Variants in PSMC6 observed in about 807,000 individuals in gnomAD.
PSMC6 encodes 26S proteasome regulatory subunit 10B.
In PSMC6, 3 loss-of-function variants were observed where a neutral mutation model predicts 55.9. The ratio of observed to expected loss-of-function variants is 0.05; its 90% CI spans 0.02 to 0.14. The LOEUF is 0.14. Ranked by LOEUF, PSMC6 falls within the 10% of genes least tolerant of loss-of-function variation. The probability of loss-of-function intolerance (pLI) is 1.00; values close to 1 mark genes in which losing one functional copy is unlikely to be tolerated. For missense variants in PSMC6, 210 were observed against 478.7 expected, an observed-to-expected ratio of 0.44 and a Z score of 5.24; for synonymous variants, 137 against 155.9, an observed-to-expected ratio of 0.88 and a Z score of 0.90.
chr14:52,714,128 C>T, intron 7 of PSMC6, 160 bp downstream of exon 7: 1 of 455,630 alleles, frequency 2.2e-6, no homozygotes, highest in East Asian at 3.6e-5. Context: ...GCAACCTCTG[C>T]CTTCCGGGCT....
chr14:52,719,908 T>C (rs1209850311), intron 10 of PSMC6, among the ~76,000 whole-genome samples: 1 of 152,170 alleles, frequency 6.6e-6, no homozygotes, highest in Non-Finnish European at 1.5e-5. Context: ...TGTCTTTTAG[T>C]ATTTCTGTGT....
chr14:52,708,064 A>G (rs916162367), intron 1 of PSMC6, among the ~76,000 whole-genome samples: 3 of 152,226 alleles, frequency 2.0e-5, no homozygotes, highest in Non-Finnish European at 4.4e-5. Context: ...CTATAACTTA[A>G]GATGTGCTTA....
At chr14:52,712,713 C>T (rs900498805) in intron 6 of PSMC6, among the ~76,000 whole-genome samples, 2 of 151,982 alleles carry the variant, frequency 1.3e-5, no homozygotes, top group Admixed American at 6.6e-5. Flanking sequence ...ACCTCTACCT[C>T]CCAGGCTGAA....
chr14:52,717,988 A>G, intron 7 of PSMC6, 93 bp from the exon 8 acceptor site: 3 of 1,185,590 alleles, frequency 2.5e-6, no homozygotes, highest in Non-Finnish European at 1.2e-6. Context: ...TGATCTCGCC[A>G]CACTCCAGCC....
intron 6 of PSMC6, among the ~76,000 whole-genome samples, chr14:52,713,496 G>T (rs1205954299): frequency 1.3e-5 from 2 of 151,952 alleles, no homozygotes; most frequent in Non-Finnish European, 2.9e-5. Context: ...TTTGAGTTGT[G>T]TTTTTTGTTT....
intron 7 of PSMC6, among the ~76,000 whole-genome samples, chr14:52,714,672 G>A (rs543131905): frequency 6.6e-6 from 1 of 151,810 alleles, no homozygotes; most frequent in Admixed American, 6.6e-5. Flanking sequence ...GAGCAGCCTG[G>A]CCAACCAACA....
chr14:52,719,081 T>C (rs2041861583), intron 10 of PSMC6, 43 bp downstream of exon 10: 1 of 1,472,270 alleles, frequency 6.8e-7, no homozygotes, highest in Admixed American at 1.7e-5. Context: ...CCAATGTTTA[T>C]TAAATGAAGA....
At chr14:52,715,251 A>G (rs2041818597) in intron 7 of PSMC6, among the ~76,000 whole-genome samples, 1 of 152,240 alleles carries the variant, frequency 6.6e-6, no homozygotes, top group Non-Finnish European at 1.5e-5. Flanking sequence ...AGGGAAAATA[A>G]ATATAAAGTA....
In PSMC6 at chr14:52,707,400, T is replaced by C. The variant is rs564263066; in HGVS notation, c.85+96T>C. ...TTCGCCGAGCCCGGCAACCGAGCCT[T>C]AGAGATGACCAGGCCTAGGGCCAGG... is the stretch of plus-strand genomic sequence containing the variant. On this transcript the variant is annotated intron_variant, in intron 1 of 13. Coordinates refer to ENST00000445930, the MANE Select transcript of PSMC6 (RefSeq NM_002806.5). The C allele has an allele frequency of 8.5e-6, 13 of 1,524,472 alleles. No homozygotes were observed. In the East Asian group the frequency reaches 2.6e-4, roughly 30 times the overall value. The allele number at this position is 1,524,472 out of a possible 1,614,324, so 94.4% of individuals were successfully genotyped here.
chr14:52,707,633 A>G (rs2041717982), intron 1 of PSMC6: 1 of 264,110 alleles, frequency 3.8e-6, no homozygotes, highest in African/African-American at 2.3e-5. Flanking sequence ...CGGGACTTGG[A>G]GAGGGGAAGG....
At chr14:52,727,058 G>A (rs913993339) in intron 13 of PSMC6, among the ~76,000 whole-genome samples, 27 of 115,628 alleles carry the variant, frequency 2.3e-4, no homozygotes, top group African/African-American at 8.9e-4. Flanking sequence ...GTCTCGCTCT[G>A]TTGCCAGGCT....
intron 13 of PSMC6, among the ~76,000 whole-genome samples, chr14:52,725,947 T>A (rs1342606050): frequency 2.0e-5 from 3 of 152,266 alleles, no homozygotes; most frequent in Admixed American, 1.3e-4. Context: ...TGTTATTTTT[T>A]AAAAATCAGT....
chr14:52,712,409 G>A (rs2041783601), intron 6 of PSMC6, among the ~76,000 whole-genome samples: 1 of 137,350 alleles, frequency 7.3e-6, no homozygotes, highest in Admixed American at 7.4e-5. Flanking sequence ...GTTCTCACCT[G>A]TATTAATGAA....
In PSMC6 at chr14:52,713,981, T is replaced by C; in HGVS notation, c.529+13T>C. On this transcript the variant is annotated intron_variant, in intron 7 of 13. Transcript: ENST00000445930. The stretch of plus-strand genomic sequence containing the variant: ...TATGGACCACCAGGTTGGTATTGAA[T>C]TATTTCTACTCCACCAATAAGATAA... The C allele has an allele frequency of 1.5e-6, 2 of 1,371,070 alleles. No individual in the cohort carries two copies. Among genetic ancestry groups the C allele is most frequent in the Non-Finnish European group, 2.0e-6 (2 of 978,864 alleles). The allele number at this position is 1,371,070 out of a possible 1,614,324, so 84.9% of individuals were successfully genotyped here. A position where few individuals can be genotyped will look rare whatever the true frequency, so the allele number is the denominator to read the frequency against.
At chr14:52,712,765 C>T (rs954920482) in intron 6 of PSMC6, among the ~76,000 whole-genome samples, 9 of 151,988 alleles carry the variant, frequency 5.9e-5, no homozygotes, top group Admixed American at 1.3e-4. Context: ...TGAAGGCATG[C>T]GCCACCACAT....
chr14:52,720,222 CAAAAAAAAAA>C (rs34123680), intron 10 of PSMC6, among the ~76,000 whole-genome samples: 1 of 62,394 alleles, frequency 1.6e-5, no homozygotes, highest in East Asian at 4.4e-4. Context: ...AGTCTGTCTC[CAAAAAAAAAA>C]AAAAAAAAAA....
At chr14:52,713,995 C>T in intron 7 of PSMC6, 27 bp downstream of exon 7, 1 of 1,264,216 alleles carries the variant, frequency 7.9e-7, no homozygotes, top group South Asian at 1.4e-5. Context: ...TTCTACTCCA[C>T]CAATAAGATA....
chr14:52,721,258 C>A, intron 12 of PSMC6, 68 bp downstream of exon 12: 1 of 1,292,236 alleles, frequency 7.7e-7, no homozygotes, highest in Non-Finnish European at 1.1e-6. Context: ...TTAGAAATTA[C>A]TGATAGTTTC....
chr14:52,708,751 T>C lies in PSMC6; in HGVS notation c.206-13T>C. The C allele has an allele frequency of 1.9e-6, 3 of 1,611,828 alleles. No homozygotes were observed. Among genetic ancestry groups the C allele is most frequent in the Non-Finnish European group, 2.5e-6 (3 of 1,179,500 alleles). On this transcript the variant is annotated splice_polypyrimidine_tract_variant and intron_variant, in intron 3 of 13. Coordinates refer to ENST00000445930, the MANE Select transcript of PSMC6 (RefSeq NM_002806.5). Reference sequence around the variant, plus strand: ...CTATTTTTCAATTAGTTCTTTTATGTTTTTTCTTCTAGTCATTGTTAAAGC... The same window carrying C: ...CTATTTTTCAATTAGTTCTTTTATGCTTTTTCTTCTAGTCATTGTTAAAGC...
Sources: gnomAD v4.1 joint callset for allele counts (sites outside exome capture counted in the v4.1 genomes callset) on GRCh38, gnomAD v4.1.1 for gene constraint, MANE v1.5 for transcripts, NCBI Gene and HGNC (gene_info 2026-07-23, HGNC 2026-07-21) for gene names.